Variants in IMMP2L observed in about 807,000 individuals in gnomAD.
The protein encoded by IMMP2L is inner mitochondrial membrane peptidase subunit 2.
IMMP2L carries 18 observed loss-of-function variants against 19.3 expected under a neutral mutation model. The ratio of observed to expected loss-of-function variants is 0.93; its 90% CI spans 0.64 to 1.38. The LOEUF is 1.38. Among genes scored for constraint, IMMP2L ranks in the 40% most tolerant of loss-of-function variants. IMMP2L has a pLI of 0.00. For missense variants in IMMP2L, 233 were observed against 218.2 expected (o/e 1.07, Z -0.43); for synonymous variants, 76 against 73.0 (o/e 1.04, Z -0.21).
intron 3 of IMMP2L, among the ~76,000 whole-genome samples, chr7:111,046,438 A>G (rs1184601463): frequency 6.6e-6 from 1 of 152,168 alleles, no homozygotes; most frequent in Non-Finnish European, 1.5e-5. Flanking sequence ...AATAATGAAA[A>G]AGAAGTTTCC....
intron 2 of IMMP2L, among the ~76,000 whole-genome samples, chr7:111,487,725 C>A (rs1842773377): frequency 6.6e-6 from 1 of 152,120 alleles, no homozygotes; most frequent in Admixed American, 6.5e-5. Context: ...ATTGTTCCAT[C>A]TGGGGAAAAG....
chr7:111,121,109 G>T (rs188556666), intron 3 of IMMP2L, among the ~76,000 whole-genome samples: 1 of 152,164 alleles, frequency 6.6e-6, no homozygotes, highest in Non-Finnish European at 1.5e-5. Context: ...AATAATAAAT[G>T]TTTAACCTTT....
intron 3 of IMMP2L, among the ~76,000 whole-genome samples, chr7:110,995,455 G>A (rs1463398094): frequency 2.6e-5 from 4 of 152,142 alleles, no homozygotes; most frequent in Admixed American, 6.6e-5. Flanking sequence ...AGAGGCTATC[G>A]AAGTGATGAG....
intron 3 of IMMP2L, among the ~76,000 whole-genome samples, chr7:110,970,159 A>G (rs926973390): frequency 1.3e-5 from 2 of 152,168 alleles, no homozygotes; most frequent in South Asian, 4.1e-4. Context: ...TCTAACTTCT[A>G]TAATTGAAAA....
intron 3 of IMMP2L, among the ~76,000 whole-genome samples, chr7:111,369,624 AAAC>A (rs1221506431): frequency 3.3e-5 from 5 of 151,936 alleles, no homozygotes; most frequent in African/African-American, 9.7e-5. Flanking sequence ...AAAAATTAAA[AAAC>A]AAAGCCATTT....
intron 5 of IMMP2L, among the ~76,000 whole-genome samples, chr7:110,804,529 T>A (rs1334939083): frequency 6.6e-6 from 1 of 152,060 alleles, no homozygotes; most frequent in Non-Finnish European, 1.5e-5. Context: ...TGTGGCACAC[T>A]ACTAGCTGTC....
At chr7:110,986,778 G>A (rs753377448) in intron 3 of IMMP2L, among the ~76,000 whole-genome samples, 15 of 150,746 alleles carry the variant, frequency 1.0e-4, no homozygotes, top group Non-Finnish European at 1.9e-4. Flanking sequence ...CCAGTGTTGT[G>A]ACACTATCAC....
At chr7:110,802,635 T>C (rs1224254443) in intron 5 of IMMP2L, among the ~76,000 whole-genome samples, 1 of 152,116 alleles carries the variant, frequency 6.6e-6, no homozygotes, top group African/African-American at 2.4e-5. Flanking sequence ...TAGCGTCTTC[T>C]TTGTTATGGG....
rs1257215748 is a variant in IMMP2L at position 110,875,010 on chromosome 7, T to C, written c.408+11583A>G. On this transcript the variant is annotated intron_variant, in intron 5 of 5. Transcript: ENST00000405709. ...ATTAATCCCAGCCATGAGGGTGGAA[T>C]CCTCATGGCCTAATGACCTCTTAAA... Among the ~76,000 whole-genome samples, 10 of 152,044 alleles carry C rather than the reference T, an allele frequency of 6.6e-5. No individual in the cohort carries two copies. The East Asian group carries it at 7.7e-4, about 12-fold the overall frequency.
At chr7:111,214,007 G>A (rs974475462) in intron 3 of IMMP2L, among the ~76,000 whole-genome samples, 1 of 152,048 alleles carries the variant, frequency 6.6e-6, no homozygotes, top group South Asian at 2.1e-4. Flanking sequence ...ATATATGATG[G>A]TTAACTTTGG....
intron 3 of IMMP2L, among the ~76,000 whole-genome samples, chr7:111,233,661 G>A (rs1024814206): frequency 2.0e-5 from 3 of 151,986 alleles, no homozygotes; most frequent in African/African-American, 7.2e-5. Context: ...GTATATATTT[G>A]TTTGAATAGT....
chr7:110,764,455 G>C (rs1798537604), intron 5 of IMMP2L, among the ~76,000 whole-genome samples: 1 of 152,018 alleles, frequency 6.6e-6, no homozygotes, highest in African/African-American at 2.4e-5. Flanking sequence ...CAAAAATAAA[G>C]TGAATAGATG....
intron 5 of IMMP2L, chr7:110,724,282 T>C (rs1406075241): frequency 6.6e-6 from 1 of 152,210 alleles, no homozygotes; most frequent in East Asian, 1.9e-4. Context: ...AATAAGATTA[T>C]GCTTTTGAGT....
chr7:110,700,270 C>T (rs1269372596), intron 5 of IMMP2L, among the ~76,000 whole-genome samples: 6 of 152,164 alleles, frequency 3.9e-5, no homozygotes, highest in Admixed American at 3.9e-4. Flanking sequence ...ACCCATTGCC[C>T]CAGTGTTGGT....
chr7:111,087,342 G>A (rs1796432927), intron 3 of IMMP2L, among the ~76,000 whole-genome samples: 1 of 151,814 alleles, frequency 6.6e-6, no homozygotes, highest in South Asian at 2.1e-4. Context: ...CCAGCTACCA[G>A]GGAGGCTGAG....
intron 5 of IMMP2L, among the ~76,000 whole-genome samples, chr7:110,677,673 G>T (rs1430808128): frequency 6.6e-6 from 1 of 152,082 alleles, no homozygotes; most frequent in Non-Finnish European, 1.5e-5. Context: ...AAAGAACTAT[G>T]CTGAAGGCAA....
intron 3 of IMMP2L, among the ~76,000 whole-genome samples, chr7:110,975,959 A>T (rs1820645649): frequency 6.6e-6 from 1 of 152,114 alleles, no homozygotes; most frequent in African/African-American, 2.4e-5. Flanking sequence ...GCTTTGAAAT[A>T]AATGTGAAAA....
At chr7:111,501,137 T>C (rs955335072) in intron 2 of IMMP2L, among the ~76,000 whole-genome samples, 1 of 152,048 alleles carries the variant, frequency 6.6e-6, no homozygotes. Context: ...AAGGAGCTGA[T>C]GGAGCTGAAA....
chr7:111,255,790 A>G (rs1026433280), intron 3 of IMMP2L, among the ~76,000 whole-genome samples: 2 of 152,068 alleles, frequency 1.3e-5, no homozygotes, highest in African/African-American at 4.8e-5. Flanking sequence ...CACTCAGAGT[A>G]CAGTGTCCTT....
Sources: gnomAD v4.1 joint callset for allele counts (sites outside exome capture counted in the v4.1 genomes callset) on GRCh38, gnomAD v4.1.1 for gene constraint, MANE v1.5 for transcripts, NCBI Gene and HGNC (gene_info 2026-07-23, HGNC 2026-07-21) for gene names.